The following UBE2H variants were observed in gnomAD, a reference collection of about 807,000 sequenced individuals.
UBE2H encodes the protein ubiquitin conjugating enzyme E2 H, also known as ubiquitin-conjugating enzyme E2 H.
UBE2H carries 3 observed loss-of-function variants against 29.0 expected under a neutral mutation model. The observed-to-expected ratio is 0.10, with a 90% confidence interval of 0.05 to 0.27. UBE2H has a LOEUF of 0.27. Ranked by LOEUF, UBE2H falls within the 10% of genes least tolerant of loss-of-function variation. The probability of loss-of-function intolerance (pLI) is 1.00; values close to 1 mark genes in which losing one functional copy is unlikely to be tolerated. For missense variants in UBE2H, 68 were observed against 228.2 expected (o/e 0.30, Z 4.52); for synonymous variants, 69 against 82.9 (o/e 0.83, Z 0.91).
At chr7:129,926,976 T>C (rs1444586354) in intron 1 of UBE2H, among the ~76,000 whole-genome samples, 1 of 152,220 alleles carries the variant, frequency 6.6e-6, no homozygotes, top group African/African-American at 2.4e-5. Context: ...TCATACCTCA[T>C]GAGTGCCCTC....
At chr7:129,886,280 A>G (rs1331262941) in intron 1 of UBE2H, among the ~76,000 whole-genome samples, 1 of 152,178 alleles carries the variant, frequency 6.6e-6, no homozygotes, top group East Asian at 1.9e-4. Context: ...ACCCAAGTCC[A>G]TTTCACTTTT....
intron 1 of UBE2H, among the ~76,000 whole-genome samples, chr7:129,948,531 G>A (rs193014793): frequency 4.5e-4 from 69 of 152,252 alleles, no homozygotes; most frequent in African/African-American, 1.6e-3. Context: ...GCATGCCCTG[G>A]GCCAGGTGCA....
chr7:129,898,112 C>A (rs1806636104), intron 1 of UBE2H, among the ~76,000 whole-genome samples: 1 of 151,992 alleles, frequency 6.6e-6, no homozygotes, highest in Non-Finnish European at 1.5e-5. Context: ...GAAAATCACA[C>A]CAATATGAGT....
At chr7:129,946,338 C>T (rs1009595059) in intron 1 of UBE2H, among the ~76,000 whole-genome samples, 1 of 152,036 alleles carries the variant, frequency 6.6e-6, no homozygotes, top group African/African-American at 2.4e-5. Flanking sequence ...GGATTACAGG[C>T]GTGAGCCACC....
chr7:129,936,001 C>T (rs1270500034), intron 1 of UBE2H, among the ~76,000 whole-genome samples: 2 of 152,122 alleles, frequency 1.3e-5, no homozygotes, highest in Admixed American at 1.3e-4. Flanking sequence ...ACTAAGAGCC[C>T]TTATATTCGG....
intron 3 of UBE2H, among the ~76,000 whole-genome samples, chr7:129,865,888 G>C (rs144934516): frequency 1.2e-3 from 186 of 152,230 alleles, no homozygotes; most frequent in African/African-American, 4.2e-3. Flanking sequence ...GTAATAACTT[G>C]GATCTCTGTT....
At chr7:129,878,406 A>G (rs1806187949) in intron 3 of UBE2H, among the ~76,000 whole-genome samples, 1 of 151,770 alleles carries the variant, frequency 6.6e-6, no homozygotes, top group Admixed American at 6.6e-5. Context: ...CACAGCAGCC[A>G]GGCGCAATGG....
intron 5 of UBE2H, among the ~76,000 whole-genome samples, chr7:129,850,357 C>CAA (rs200495202): frequency 2.7e-5 from 4 of 148,250 alleles, no homozygotes; most frequent in Non-Finnish European, 4.5e-5. Context: ...GACCTTGTCT[C>CAA]AAAAAAAAAG....
At chr7:129,859,393 C>T (rs968357320) in intron 3 of UBE2H, among the ~76,000 whole-genome samples, 5 of 152,126 alleles carry the variant, frequency 3.3e-5, no homozygotes, top group Admixed American at 1.3e-4. Context: ...GCACTGTGCA[C>T]GGAACATGAA....
chr7:129,919,401 C>G (rs1807110861), intron 1 of UBE2H, among the ~76,000 whole-genome samples: 1 of 152,060 alleles, frequency 6.6e-6, no homozygotes, highest in Non-Finnish European at 1.5e-5. Flanking sequence ...AGTCTGGTGC[C>G]GGCAGCATAC....
chr7:129,846,758 AACC>A (rs976288160), intron 5 of UBE2H, among the ~76,000 whole-genome samples: 1 of 152,138 alleles, frequency 6.6e-6, no homozygotes, highest in African/African-American at 2.4e-5. Flanking sequence ...GTAACTCAGA[AACC>A]ACCACCAAGT....
chr7:129,931,959 G>T (rs1807411711), intron 1 of UBE2H, among the ~76,000 whole-genome samples: 1 of 151,448 alleles, frequency 6.6e-6, no homozygotes, highest in Non-Finnish European at 1.5e-5. Flanking sequence ...CAGTAACAGG[G>T]ATTACAAGCG....
At chr7:129,880,014 C>A (rs1486467645) in intron 2 of UBE2H, among the ~76,000 whole-genome samples, 2 of 152,126 alleles carry the variant, frequency 1.3e-5, no homozygotes, top group African/African-American at 4.8e-5. Context: ...AAACCATTCA[C>A]GTGGCCATCC....
intron 5 of UBE2H, among the ~76,000 whole-genome samples, chr7:129,849,772 T>C (rs1805576055): frequency 6.6e-6 from 1 of 152,084 alleles, no homozygotes; most frequent in Non-Finnish European, 1.5e-5. Context: ...GAAGGCTAAC[T>C]AGCTGCAATT....
At chr7:129,884,559 T>A (rs912957439) in intron 1 of UBE2H, among the ~76,000 whole-genome samples, 10 of 152,102 alleles carry the variant, frequency 6.6e-5, no homozygotes, top group African/African-American at 2.2e-4. Flanking sequence ...GGTCTAAACA[T>A]TTATCAATAA....
In UBE2H at chr7:129,947,141, A is replaced by G. The variant is rs79287155; in HGVS notation, c.53+5362T>C. Among the ~76,000 whole-genome samples, 247 of 152,338 alleles carry G rather than the reference A, an allele frequency of 1.6e-3. 5 individuals are homozygous for G. In the East Asian group the frequency reaches 0.045, roughly 28 times the overall value. ...GAAACATTTTTTCCCAAAAAGCTGA[A>G]TTTTTAGGCTTGCGTGTAATTTACT... On this transcript the variant is annotated intron_variant, in intron 1 of 6. Transcript: ENST00000355621.
intron 3 of UBE2H, among the ~76,000 whole-genome samples, chr7:129,868,542 T>C (rs1162607333): frequency 8.0e-6 from 1 of 125,330 alleles, no homozygotes; most frequent in African/African-American, 3.1e-5. Context: ...ATTGCGCCAC[T>C]GCAGTCCGCA....
chr7:129,895,150 A>T (rs1306006358), intron 1 of UBE2H, among the ~76,000 whole-genome samples: 1 of 152,222 alleles, frequency 6.6e-6, no homozygotes, highest in Admixed American at 6.5e-5. Flanking sequence ...GGTTAACTGT[A>T]GGCCTGGAGG....
chr7:129,857,275 A>T (rs1805723708), intron 5 of UBE2H: 2 of 539,394 alleles, frequency 3.7e-6, no homozygotes, highest in Non-Finnish European at 6.6e-6. Context: ...GTGCACATGT[A>T]TCACTATACC....
Sources: gnomAD v4.1 joint callset for allele counts (sites outside exome capture counted in the v4.1 genomes callset) on GRCh38, gnomAD v4.1.1 for gene constraint, MANE v1.5 for transcripts, NCBI Gene and HGNC (gene_info 2026-07-23, HGNC 2026-07-21) for gene names.